Variants in KLF12 observed in about 807,000 individuals in gnomAD.
KLF12 encodes the protein Krueppel-like factor 12.
A neutral mutation model predicts 37.8 loss-of-function variants in KLF12; 9 were observed. The observed-to-expected ratio is 0.24, with a 90% CI of 0.14 to 0.42. KLF12 has a LOEUF of 0.42. KLF12 is among the 10% of genes least tolerant of loss of function. The pLI is 1.00. For synonymous variants in KLF12, 208 were observed against 202.1 expected (o/e 1.03, Z -0.25); for missense variants, 411 against 516.0 (o/e 0.80, Z 1.97).
intron 1 of KLF12, among the ~76,000 whole-genome samples, chr13:74,066,483 G>A (rs988226806): frequency 1.6e-4 from 25 of 152,096 alleles, no homozygotes; most frequent in East Asian, 7.7e-4. Flanking sequence ...GCAACATAGC[G>A]AGACCTTGTT....
chr13:73,886,600 C>T (rs939954168), intron 3 of KLF12, among the ~76,000 whole-genome samples: 1 of 152,086 alleles, frequency 6.6e-6, no homozygotes, highest in African/African-American at 2.4e-5. Flanking sequence ...CAAACCTGCA[C>T]ATCCTGCACA....
At chr13:73,978,577 C>G (rs1192062301) in intron 2 of KLF12, among the ~76,000 whole-genome samples, 2 of 152,114 alleles carry the variant, frequency 1.3e-5, no homozygotes, top group Non-Finnish European at 2.9e-5. Flanking sequence ...TAACTCTTAC[C>G]TTAGGATCCA....
chr13:73,712,184 C>G (rs1247591838), intron 7 of KLF12, among the ~76,000 whole-genome samples: 2 of 151,636 alleles, frequency 1.3e-5, no homozygotes, highest in African/African-American at 4.8e-5. Context: ...ACTAAAAATA[C>G]AAAACTAGCC....
At chr13:73,750,389 A>T (rs1878659228) in intron 6 of KLF12, among the ~76,000 whole-genome samples, 1 of 152,116 alleles carries the variant, frequency 6.6e-6, no homozygotes, top group African/African-American at 2.4e-5. Flanking sequence ...TCTTCATTTC[A>T]CTGATCAATA....
intron 5 of KLF12, among the ~76,000 whole-genome samples, chr13:73,785,647 A>G (rs1283445393): frequency 6.6e-6 from 1 of 151,994 alleles, no homozygotes; most frequent in African/African-American, 2.4e-5. Flanking sequence ...TTTGCAAGAT[A>G]GATTTCAGAG....
rs573265711 is a variant in KLF12, at chr13:73,696,171, T to G, written c.1028-500A>C. Among the ~76,000 whole-genome samples, 5 of 152,074 alleles carry G rather than the reference T, an allele frequency of 3.3e-5. No homozygotes were observed. The South Asian group carries it at 8.3e-4, about 25-fold the overall frequency. On this transcript the variant is annotated intron_variant, in intron 7 of 7. Coordinates refer to ENST00000377669, the MANE Select transcript of KLF12 (RefSeq NM_007249.5). ...TACACAAAATTTTACTGAACGATAATGTACTCTACTACCTCCAGATATCAG... is the reference window on the plus strand; with the variant it reads ...TACACAAAATTTTACTGAACGATAAGGTACTCTACTACCTCCAGATATCAG...
rs1879351871 is a variant in KLF12, at chr13:73,693,253, A to C, written c.*2237T>G. The C allele has an allele frequency of 2.0e-5, 3 of 152,086 alleles. No homozygotes were observed. The South Asian group carries it at 6.2e-4, about 32-fold the overall frequency. The allele number at this position is 152,086 out of a possible 1,614,324, so 9.4% of individuals were successfully genotyped here. A position where few individuals can be genotyped will look rare whatever the true frequency, so the allele number is the denominator to read the frequency against. On this transcript the variant is annotated 3_prime_UTR_variant, in exon 8 of 8. Coordinates refer to ENST00000377669, the MANE Select transcript of KLF12 (RefSeq NM_007249.5). The stretch of plus-strand genomic sequence containing the variant: ...AACCAGCACTGGCATGCATCAACAG[A>C]CCTTTTTCTATTCTGAATGGTCACA...
intron 3 of KLF12, among the ~76,000 whole-genome samples, chr13:73,943,374 A>G (rs1890276661): frequency 6.6e-6 from 1 of 152,210 alleles, no homozygotes; most frequent in Non-Finnish European, 1.5e-5. Context: ...TATAAAATCT[A>G]TGTCATTAAA....
At chr13:73,778,976 G>A (rs577640149) in intron 5 of KLF12, among the ~76,000 whole-genome samples, 1 of 152,296 alleles carries the variant, frequency 6.6e-6, no homozygotes, top group Non-Finnish European at 1.5e-5. Flanking sequence ...GCTGTTTGCA[G>A]TTAAGGATTA....
At chr13:73,814,259 G>A (rs574040658) in intron 4 of KLF12, among the ~76,000 whole-genome samples, 1 of 152,192 alleles carries the variant, frequency 6.6e-6, no homozygotes, top group East Asian at 1.9e-4. Context: ...CTGCTTGCGG[G>A]GGAAGGCAAA....
chr13:73,723,117 C>T (rs192215416), intron 6 of KLF12, among the ~76,000 whole-genome samples: 7 of 152,114 alleles, frequency 4.6e-5, no homozygotes, highest in African/African-American at 1.4e-4. Flanking sequence ...TAGAAAAAAA[C>T]GAATCATTAA....
intron 5 of KLF12, among the ~76,000 whole-genome samples, chr13:73,807,604 G>C (rs1156789004): frequency 6.6e-6 from 1 of 152,174 alleles, no homozygotes; most frequent in Non-Finnish European, 1.5e-5. Context: ...CATAGGTGCA[G>C]TTATCAGGGA....
At chr13:74,182,225 G>A in the KLF12 span, among the ~76,000 whole-genome samples, 1 of 152,166 alleles carries the variant, frequency 6.6e-6, no homozygotes, top group Admixed American at 6.5e-5. Context: ...CGTTAGGAAG[G>A]AGAAAAATAA....
chr13:73,867,392 A>G (rs1886227823), intron 3 of KLF12, among the ~76,000 whole-genome samples: 2 of 149,836 alleles, frequency 1.3e-5, no homozygotes, highest in Admixed American at 1.3e-4. Flanking sequence ...ATACATACAT[A>G]CATACATATA....
intron 6 of KLF12, among the ~76,000 whole-genome samples, chr13:73,719,175 G>A (rs374553644): frequency 6.4e-4 from 98 of 152,266 alleles, no homozygotes; most frequent in African/African-American, 2.3e-3. Context: ...GTGAAGCTGA[G>A]GTAACAGGGA....
At chr13:73,734,108 A>T (rs1325388720) in intron 6 of KLF12, among the ~76,000 whole-genome samples, 2 of 152,138 alleles carry the variant, frequency 1.3e-5, no homozygotes, top group African/African-American at 2.4e-5. Context: ...TCTGCTTAGA[A>T]TAGTTTCTCA....
At chr13:73,914,598 G>T (rs1888729584) in intron 3 of KLF12, among the ~76,000 whole-genome samples, 1 of 152,162 alleles carries the variant, frequency 6.6e-6, no homozygotes, top group Non-Finnish European at 1.5e-5. Context: ...TTTAAACAAG[G>T]TTGGAGAACG....
the KLF12 span, among the ~76,000 whole-genome samples, chr13:74,219,252 G>A: frequency 9.2e-5 from 14 of 152,112 alleles, no homozygotes; most frequent in African/African-American, 2.2e-4. Flanking sequence ...CACCATGCCC[G>A]GCTGAGATTT....
At chr13:74,017,258 TAAAAAAAAAAAAAAAAAAA>T (rs56321692) in intron 1 of KLF12, among the ~76,000 whole-genome samples, 1 of 45,590 alleles carries the variant, frequency 2.2e-5, no homozygotes, top group African/African-American at 8.8e-5. Flanking sequence ...GCCCTCAACC[TAAAAAAAAAAAAAAAAAAA>T]AAAAAAAAAA....
Sources: allele counts gnomAD v4.1 joint callset (sites outside exome capture counted in the v4.1 genomes callset), GRCh38; gene constraint gnomAD v4.1.1; transcripts MANE v1.5; gene names NCBI Gene and HGNC (gene_info 2026-07-23, HGNC 2026-07-21).